RAB3GAP2: variants seen among roughly 807,000 people sequenced by gnomAD.
RAB3GAP2 encodes the protein rab3 GTPase-activating protein non-catalytic subunit.
In RAB3GAP2, 87 loss-of-function variants were observed where a neutral mutation model predicts 185.3. That is an observed-to-expected ratio of 0.47 (90% CI 0.39 to 0.56). The LOEUF (loss-of-function observed/expected upper bound fraction) is 0.56. RAB3GAP2 is among the 20% of genes least tolerant of loss of function. The pLI is 0.00. For missense variants in RAB3GAP2, 1,492 were observed against 1,638.2 expected, an observed-to-expected ratio of 0.91 and a Z score of 1.54; for synonymous variants, 554 against 576.1, an observed-to-expected ratio of 0.96 and a Z score of 0.55.
At chr1:220,163,614 G>A (rs906264718) in intron 27 of RAB3GAP2, among the ~76,000 whole-genome samples, 4 of 150,904 alleles carry the variant, frequency 2.7e-5, no homozygotes, top group South Asian at 2.1e-4. Flanking sequence ...CGCCCGCCTC[G>A]GCCTCCCAAA....
intron 3 of RAB3GAP2, 109 bp downstream of exon 3, chr1:220,213,746 GA>G: frequency 5.0e-6 from 5 of 1,001,652 alleles, no homozygotes; most frequent in East Asian, 3.0e-5. Flanking sequence ...GGGGGGGGGA[GA>G]GAGAGAGAAA....
intron 1 of RAB3GAP2, among the ~76,000 whole-genome samples, chr1:220,246,924 G>C (rs887805939): frequency 6.8e-6 from 1 of 147,872 alleles, no homozygotes; most frequent in Non-Finnish European, 1.5e-5. Flanking sequence ...TAAATAAAAA[G>C]AAGAAAAAAA....
intron 28 of RAB3GAP2, among the ~76,000 whole-genome samples, chr1:220,159,764 T>A (rs1657931147): frequency 6.6e-6 from 1 of 151,420 alleles, no homozygotes; most frequent in African/African-American, 2.4e-5. Flanking sequence ...ATGCCTGTAA[T>A]CCTAGCACTC....
At chr1:220,176,162 A>G (rs1178870944) in intron 21 of RAB3GAP2, among the ~76,000 whole-genome samples, 2 of 152,174 alleles carry the variant, frequency 1.3e-5, no homozygotes, top group African/African-American at 4.8e-5. Flanking sequence ...ACTAGTAAAT[A>G]CAAAATAAGA....
At chr1:220,193,540 T>C (rs1217052249) in intron 12 of RAB3GAP2, among the ~76,000 whole-genome samples, 161 bp from the exon 13 acceptor site, 3 of 152,238 alleles carry the variant, frequency 2.0e-5, no homozygotes, top group Non-Finnish European at 2.9e-5. Context: ...ACAACTGACA[T>C]TTGTAATATA....
chr1:220,191,404 TA>T (rs553244783), intron 13 of RAB3GAP2, 120 bp from the exon 14 acceptor site: 2 of 677,624 alleles, frequency 3.0e-6, no homozygotes, highest in South Asian at 3.4e-5. Flanking sequence ...TATAAAAGTA[TA>T]TTTTTTATTA....
At chr1:220,237,043 A>G (rs1659606884) in intron 1 of RAB3GAP2, among the ~76,000 whole-genome samples, 1 of 152,240 alleles carries the variant, frequency 6.6e-6, no homozygotes, top group African/African-American at 2.4e-5. Context: ...TTCTTAGAAG[A>G]ATAAATAGAT....
intron 2 of RAB3GAP2, among the ~76,000 whole-genome samples, chr1:220,214,470 G>C (rs566679737): frequency 1.3e-5 from 2 of 151,874 alleles, no homozygotes; most frequent in Admixed American, 6.6e-5. Flanking sequence ...AGGTTACAGT[G>C]AGCTGAGATC....
chr1:220,257,197 T>C (rs1465195349), intron 1 of RAB3GAP2, among the ~76,000 whole-genome samples: 3 of 152,050 alleles, frequency 2.0e-5, no homozygotes, highest in African/African-American at 4.8e-5. Flanking sequence ...GCTAACATGG[T>C]GAAACCATGT....
intron 32 of RAB3GAP2, 170 bp downstream of exon 32, chr1:220,153,798 G>A: frequency 2.5e-6 from 2 of 813,148 alleles, no homozygotes; most frequent in East Asian, 6.7e-5. Context: ...TCCCCACCCT[G>A]TGTCCAAGTG....
rs139917150 is a variant in RAB3GAP2, at chr1:220,218,825, C to T, written c.181-4846G>A. On this transcript the variant is annotated intron_variant, in intron 2 of 34. Coordinates refer to ENST00000358951, the MANE Select transcript of RAB3GAP2 (RefSeq NM_012414.4). ...ACAAGCTCCACAAGCTCTTTGGATC[C>T]ACAACCACACGGGGGAGCAGCTGTA... Among the ~76,000 whole-genome samples the T allele has an allele frequency of 8.5e-3, 1,299 of 152,068 alleles. 11 individuals carry two copies. The highest frequency in any genetic ancestry group is 0.014 in the Non-Finnish European group (953 of 67,994).
chr1:220,254,548 C>T, intron 1 of RAB3GAP2: 10 of 1,603,720 alleles, frequency 6.2e-6, no homozygotes, highest in Non-Finnish European at 8.5e-6. Flanking sequence ...GTGAGAGGCA[C>T]TCTCACTCAC....
chr1:220,151,837 C>G, intron 33 of RAB3GAP2, 73 bp from the exon 34 acceptor site: 1 of 1,452,716 alleles, frequency 6.9e-7, no homozygotes, highest in Non-Finnish European at 9.6e-7. Context: ...AAAGGGGTTG[C>G]CAGTGAAGAG....
intron 9 of RAB3GAP2, among the ~76,000 whole-genome samples, chr1:220,196,953 C>G (rs961040670): frequency 5.3e-5 from 8 of 151,882 alleles, no homozygotes; most frequent in Non-Finnish European, 1.0e-4. Context: ...CAGAAGTATA[C>G]AGTCCACTTA....
intron 1 of RAB3GAP2, among the ~76,000 whole-genome samples, chr1:220,268,469 G>C (rs1660271562): frequency 6.6e-6 from 1 of 152,188 alleles, no homozygotes; most frequent in South Asian, 2.1e-4. Context: ...CATCACAAAA[G>C]AGTATCTTAC....
At position 220,210,472 on chromosome 1, in the gene RAB3GAP2, A is replaced by G; in HGVS notation, c.528T>C (p.Leu176=). 6.2e-7 allele frequency: 1 copy of G among 1,613,920 alleles called. No homozygotes were observed. Among genetic ancestry groups the G allele is most frequent in the Non-Finnish European group, 8.5e-7 (1 of 1,179,772 alleles). ...RFYTENGVLL[L]AQLLNEDPVL... ...CTGGGTCCTCATTCAAAAGCTGTGC[A>G]AGCAAGAGCACACCATTCTAGGAGG... The change falls in exon 7 of 35, where the codon CTT becomes CTC. Residue 176 remains leucine, a synonymous_variant. Coordinates refer to ENST00000358951, the MANE Select transcript of RAB3GAP2 (RefSeq NM_012414.4).
rs535650010 is a variant in RAB3GAP2 at position 220,243,727 on chromosome 1, A to G, written c.116-10864T>C. 6.6e-5 allele frequency among the ~76,000 whole-genome samples: 10 copies of G among 152,344 alleles called. 1 individual carries two copies. The South Asian group carries it at 2.1e-3, about 32-fold the overall frequency. ...TCTCTATTAGCATAACACGTTAAAC[A>G]GCAATACAACGAGGTGCTGCTATGG... is the stretch of plus-strand genomic sequence containing the variant. On this transcript the variant is annotated intron_variant, in intron 1 of 34. Transcript: ENST00000358951.
intron 1 of RAB3GAP2, among the ~76,000 whole-genome samples, chr1:220,246,573 T>C (rs1571926692): frequency 1.9e-5 from 2 of 104,730 alleles, no homozygotes; most frequent in Non-Finnish European, 3.8e-5. Flanking sequence ...ATATACACCA[T>C]GGAATACTAT....
At chr1:220,243,178 T>C (rs775837386) in intron 1 of RAB3GAP2, among the ~76,000 whole-genome samples, 6 of 151,708 alleles carry the variant, frequency 4.0e-5, no homozygotes, top group East Asian at 1.9e-4. Context: ...CATGGTGAAA[T>C]CCCATCTCTA....
Sources: gnomAD v4.1 joint callset for allele counts (sites outside exome capture counted in the v4.1 genomes callset) on GRCh38, gnomAD v4.1.1 for gene constraint, MANE v1.5 for transcripts, NCBI Gene and HGNC (gene_info 2026-07-23, HGNC 2026-07-21) for gene names.